The following KANSL1 variants were observed in gnomAD, a reference collection of about 807,000 sequenced individuals.
The protein encoded by KANSL1 is KAT8 regulatory NSL complex subunit 1, also known as MLL1/MLL complex subunit KANSL1.
In KANSL1, 22 loss-of-function variants were observed where a neutral mutation model predicts 103.6. The ratio of observed to expected loss-of-function variants is 0.21; its 90% CI spans 0.15 to 0.30. The LOEUF (loss-of-function observed/expected upper bound fraction) is 0.30, where lower values mean the gene tolerates loss of function less well. Ranked by LOEUF, KANSL1 falls within the 10% of genes least tolerant of loss-of-function variation. KANSL1 has a pLI of 1.00. For synonymous variants in KANSL1, 600 were observed against 527.6 expected, an observed-to-expected ratio of 1.14 and a Z score of -1.88; for missense variants, 1,337 against 1,399.8, an observed-to-expected ratio of 0.96 and a Z score of 0.72.
At chr17:46,178,210 TAGAG>T (rs1196735025) in intron 1 of KANSL1, among the ~76,000 whole-genome samples, 1 of 152,024 alleles carries the variant, frequency 6.6e-6, no homozygotes, top group Non-Finnish European at 1.5e-5. Flanking sequence ...AAGCAGTTCT[TAGAG>T]AAGCTCAGGG....
intron 2 of KANSL1, among the ~76,000 whole-genome samples, chr17:46,101,291 CAG>C (rs1192382054): frequency 6.6e-6 from 1 of 152,164 alleles, no homozygotes; most frequent in Non-Finnish European, 1.5e-5. Context: ...CAGTGTGAAA[CAG>C]AGGGAAGATC....
chr17:46,181,868 G>A (rs1362638323), intron 1 of KANSL1, among the ~76,000 whole-genome samples: 1 of 152,016 alleles, frequency 6.6e-6, no homozygotes, highest in Non-Finnish European at 1.5e-5. Context: ...CCTCTACCTG[G>A]AAGGTCCTTC....
At chr17:46,190,899 T>C (rs2047284143) in intron 1 of KANSL1, among the ~76,000 whole-genome samples, 1 of 152,238 alleles carries the variant, frequency 6.6e-6, no homozygotes, top group Non-Finnish European at 1.5e-5. Context: ...TTGCCTTATT[T>C]TTAGAACTAC....
intron 1 of KANSL1, among the ~76,000 whole-genome samples, chr17:46,209,100 T>C (rs1442471076): frequency 2.0e-5 from 3 of 151,630 alleles, no homozygotes; most frequent in African/African-American, 7.3e-5. Context: ...GGAGAATTGC[T>C]TGAACCCGGG....
At chr17:46,216,646 A>C (rs547185488) in intron 1 of KANSL1, among the ~76,000 whole-genome samples, 1 of 152,340 alleles carries the variant, frequency 6.6e-6, no homozygotes, top group Non-Finnish European at 1.5e-5. Flanking sequence ...AATCTTGTTA[A>C]AGATAAATAC....
chr17:46,180,120 G>A (rs1042843774), intron 1 of KANSL1, among the ~76,000 whole-genome samples: 12 of 152,166 alleles, frequency 7.9e-5, no homozygotes, highest in Admixed American at 2.0e-4. Flanking sequence ...TTTAATAGAG[G>A]AAATAGTAGA....
Position 46,193,266 on chromosome 17 carries a change from T to C in KANSL1, c.-533A>G. On this transcript the variant is annotated 5_prime_UTR_variant, in exon 1 of 15. Transcript: ENST00000432791. ...GCCTCTTTCCAGCCGGGGAGCGCGC[T>C]TCAGCCGCCCCCCGCGCCGCCGCGG... 6.6e-6 allele frequency: 1 copy of C among 152,066 alleles called. No individual in the cohort carries two copies. Among genetic ancestry groups the C allele is most frequent in the Non-Finnish European group, 1.5e-5 (1 of 68,474 alleles). 9.4% of individuals were successfully genotyped at this position (152,066 alleles called of 1,614,324 possible).
At chr17:46,146,559 C>A (rs925436367) in intron 2 of KANSL1, among the ~76,000 whole-genome samples, 1 of 112,434 alleles carries the variant, frequency 8.9e-6, no homozygotes, top group Non-Finnish European at 2.4e-5. Context: ...TGAGGCCGGG[C>A]GCGGTGGCTC....
chr17:46,047,555 G>A (rs1294090349), intron 7 of KANSL1, among the ~76,000 whole-genome samples: 1 of 152,162 alleles, frequency 6.6e-6, no homozygotes, highest in Non-Finnish European at 1.5e-5. Context: ...GAGAGGCCAA[G>A]ATGGGTGGAT....
intron 2 of KANSL1, among the ~76,000 whole-genome samples, chr17:46,162,517 T>C (rs1387907488): frequency 6.6e-6 from 1 of 152,256 alleles, no homozygotes; most frequent in African/African-American, 2.4e-5. Flanking sequence ...CCATCCAATG[T>C]AGTTACCCCT....
At chr17:46,207,247 C>G (rs1437073766) in intron 1 of KANSL1, among the ~76,000 whole-genome samples, 1 of 152,178 alleles carries the variant, frequency 6.6e-6, no homozygotes, top group Non-Finnish European at 1.5e-5. Context: ...TGCGGTGGCT[C>G]ACGCCTGTAA....
chr17:46,157,177 T>C (rs1334088303), intron 2 of KANSL1, among the ~76,000 whole-genome samples: 1 of 152,252 alleles, frequency 6.6e-6, no homozygotes, highest in Non-Finnish European at 1.5e-5. Context: ...TCCTCAATGA[T>C]GACACATTTT....
intron 6 of KANSL1, 53 bp from the exon 7 acceptor site, chr17:46,050,757 CTACCCATTTGTTA>C (rs1221543101): frequency 2.5e-5 from 38 of 1,548,994 alleles, no homozygotes; most frequent in South Asian, 4.6e-5. Context: ...AAAAAGCCAG[CTACCCATTTGTTA>C]TCCCCATTTG....
chr17:46,051,445 C>A (rs1423773598), intron 6 of KANSL1, among the ~76,000 whole-genome samples: 4 of 152,106 alleles, frequency 2.6e-5, no homozygotes, highest in Non-Finnish European at 1.5e-5. Flanking sequence ...TAATTGATAA[C>A]CTCTCCAGGT....
At chr17:46,149,931 A>G (rs2044990218) in intron 2 of KANSL1, among the ~76,000 whole-genome samples, 1 of 151,894 alleles carries the variant, frequency 6.6e-6, no homozygotes, top group South Asian at 2.1e-4. Flanking sequence ...CTGAGGCAGG[A>G]GAATGGTGTG....
chr17:46,108,752 G>A, intron 2 of KANSL1, among the ~76,000 whole-genome samples: 1 of 152,192 alleles, frequency 6.6e-6, no homozygotes, highest in Non-Finnish European at 1.5e-5. Flanking sequence ...AGTAATTCCA[G>A]ACTGAAGCTA....
chr17:46,188,705 G>A (rs1303753975), intron 1 of KANSL1, among the ~76,000 whole-genome samples: 1 of 152,098 alleles, frequency 6.6e-6, no homozygotes, highest in Non-Finnish European at 1.5e-5. Flanking sequence ...TGAAGAAAGA[G>A]TACAACGAAA....
At chr17:46,128,880 C>T (rs181865729) in intron 2 of KANSL1, among the ~76,000 whole-genome samples, 2 of 152,264 alleles carry the variant, frequency 1.3e-5, no homozygotes, top group East Asian at 3.9e-4. Context: ...AGGAGGGACA[C>T]GGATGTGTTA....
chr17:46,133,520 AT>A (rs2043971199), intron 2 of KANSL1, among the ~76,000 whole-genome samples: 1 of 152,224 alleles, frequency 6.6e-6, no homozygotes, highest in South Asian at 2.1e-4. Context: ...AGACTAGGTA[AT>A]TTTGCAACCA....
Sources: gnomAD v4.1 joint callset for allele counts (sites outside exome capture counted in the v4.1 genomes callset) on GRCh38, gnomAD v4.1.1 for gene constraint, MANE v1.5 for transcripts, NCBI Gene and HGNC (gene_info 2026-07-23, HGNC 2026-07-21) for gene names.